The following CCDC150 variants were observed in gnomAD, a reference collection of about 807,000 sequenced individuals.
CCDC150 encodes coiled-coil domain containing 150, also known as coiled-coil domain-containing protein 150.
Under a neutral mutation model 156.5 loss-of-function variants are expected in CCDC150, and 151 were observed. The observed-to-expected ratio is 0.97, with a 90% confidence interval of 0.85 to 1.10. The LOEUF (loss-of-function observed/expected upper bound fraction) is 1.10, where lower values mean the gene tolerates loss of function less well. Among genes scored for constraint, CCDC150 ranks in the 50% least tolerant of loss-of-function variants. The pLI is 0.00. For missense variants in CCDC150, 1,312 were observed against 1,268.1 expected, an observed-to-expected ratio of 1.03 and a Z score of -0.53; for synonymous variants, 452 against 429.4, an observed-to-expected ratio of 1.05 and a Z score of -0.65.
At chr2:196,706,918 T>A (rs1301126962) in intron 15 of CCDC150, among the ~76,000 whole-genome samples, 1 of 152,226 alleles carries the variant, frequency 6.6e-6, no homozygotes, top group Admixed American at 6.5e-5. Flanking sequence ...TTTGCCAGTA[T>A]TTTATTGAGG....
At chr2:196,724,696 T>C (rs567237658) in intron 21 of CCDC150, among the ~76,000 whole-genome samples, 3 of 152,242 alleles carry the variant, frequency 2.0e-5, no homozygotes, top group Non-Finnish European at 4.4e-5. Flanking sequence ...GTCTTAATCA[T>C]TTTGATATAA....
intron 1 of CCDC150, 32 bp from the exon 2 acceptor site, chr2:196,646,309 C>G: frequency 6.2e-7 from 1 of 1,604,852 alleles, no homozygotes; most frequent in Non-Finnish European, 8.5e-7. Flanking sequence ...ATAATAGGAC[C>G]TACCACACTA....
intron 2 of CCDC150, among the ~76,000 whole-genome samples, chr2:196,655,205 A>G (rs1440529583): frequency 6.6e-6 from 1 of 152,196 alleles, no homozygotes; most frequent in Non-Finnish European, 1.5e-5. Context: ...GCAAATACCT[A>G]TACTACTGTC....
chr2:196,647,020 G>A (rs542080850), intron 2 of CCDC150, among the ~76,000 whole-genome samples: 41 of 152,152 alleles, frequency 2.7e-4, no homozygotes, highest in African/African-American at 9.9e-4. Flanking sequence ...GATTATCAAT[G>A]GCCTGCAGAA....
At position 196,662,765 on chromosome 2, in the gene CCDC150, G is replaced by GA. The variant is rs974682749; in HGVS notation, c.646-2793dup. On this transcript the variant is annotated intron_variant, in intron 5 of 27. Transcript: ENST00000389175. Reference sequence around the variant, plus strand: ...GCAACATGGCAAAACCCCATTTCTGGAAAAAAAAAGAAAAAAGAAAAAAAG... The same window carrying GA: ...GCAACATGGCAAAACCCCATTTCTGGAAAAAAAAAAGAAAAAAGAAAAAAAG... Among the ~76,000 whole-genome samples, 1,124 of 149,794 alleles carry GA rather than the reference G, an allele frequency of 7.5e-3. 17 individuals carry two copies. The highest frequency in any genetic ancestry group is 0.026 in the African/African-American group (1,050 of 40,830).
intron 13 of CCDC150, among the ~76,000 whole-genome samples, chr2:196,685,181 C>CT (rs1263927129): frequency 6.6e-6 from 1 of 151,838 alleles, no homozygotes; most frequent in African/African-American, 2.4e-5. Context: ...TTTTAACTCC[C>CT]TTATCATTTC....
intron 13 of CCDC150, among the ~76,000 whole-genome samples, chr2:196,684,605 ATCT>A (rs1695022554): frequency 1.3e-5 from 2 of 151,980 alleles, no homozygotes; most frequent in South Asian, 4.1e-4. Flanking sequence ...TTCCGCATTA[ATCT>A]TCTGTCCAGT....
chr2:196,658,766 A>C, intron 4 of CCDC150, 26 bp from the exon 5 acceptor site: 3 of 1,535,224 alleles, frequency 2.0e-6, no homozygotes, highest in Non-Finnish European at 2.7e-6. Flanking sequence ...CAGATTATTT[A>C]GAATCTTTTC....
intron 26 of CCDC150, among the ~76,000 whole-genome samples, chr2:196,731,203 T>C (rs1347491641): frequency 6.6e-6 from 1 of 152,118 alleles, no homozygotes; most frequent in African/African-American, 2.4e-5. Context: ...CTATTAAATA[T>C]AAGGAAAGAC....
In CCDC150 at chr2:196,717,065, A is replaced by T. The variant is rs527787545; in HGVS notation, c.1867-1438A>T. Among the ~76,000 whole-genome samples the T allele has an allele frequency of 1.2e-4, 18 of 150,984 alleles. No individual in the cohort carries two copies. The South Asian group carries it at 3.1e-3, about 26-fold the overall frequency. ...TTTTATTTTTATTTTATTTTTTTGT[A>T]TTTTTAGTAGAGACAGGGTTTCACC... On this transcript the variant is annotated intron_variant, in intron 17 of 27. Transcript: ENST00000389175.
At chr2:196,643,499 T>C (rs1692359999) in intron 1 of CCDC150, among the ~76,000 whole-genome samples, 1 of 152,230 alleles carries the variant, frequency 6.6e-6, no homozygotes, top group Non-Finnish European at 1.5e-5. Flanking sequence ...GGAGAGCCAA[T>C]GTAAGCATTT....
intron 15 of CCDC150, among the ~76,000 whole-genome samples, chr2:196,707,192 A>G (rs1183848046): frequency 6.6e-6 from 1 of 152,080 alleles, no homozygotes; most frequent in Non-Finnish European, 1.5e-5. Context: ...AGAGACTGCT[A>G]TTGGTCTATT....
intron 20 of CCDC150, among the ~76,000 whole-genome samples, chr2:196,720,911 T>G (rs551040308): frequency 6.6e-6 from 1 of 152,144 alleles, no homozygotes; most frequent in Non-Finnish European, 1.5e-5. Flanking sequence ...ATGGTCTACA[T>G]TTTTATTCAT....
At chr2:196,710,101 A>C (rs2375946) in intron 15 of CCDC150, among the ~76,000 whole-genome samples, 2 of 152,104 alleles carry the variant, frequency 1.3e-5, no homozygotes, top group Non-Finnish European at 2.9e-5. Context: ...TTGTTCAGCT[A>C]TGCCCTGCCC....
rs1343246048 is a variant in CCDC150, at chr2:196,712,698, A to T, written c.1825A>T (p.Lys609Ter). ...YAQANSELSA[K>*]RVHLQQADAH... The stretch of plus-strand genomic sequence containing the variant: ...AAAGGCAAACTCAGAACTCAGTGCC[A>T]AGAGGGTACACCTGCAGCAGGCAGA... Residue 609 changes from lysine (K) to a stop codon, truncating the protein, a stop_gained, in exon 17 of 28, where the codon AAG becomes TAG. Coordinates refer to ENST00000389175, the MANE Select transcript of CCDC150 (RefSeq NM_001080539.2). LOFTEE classifies it high-confidence loss of function. 1 of 1,610,916 alleles carries T rather than the reference A, an allele frequency of 6.2e-7. No homozygotes were observed.
intron 16 of CCDC150, 165 bp downstream of exon 16, chr2:196,712,417 C>A: frequency 1.8e-6 from 1 of 557,956 alleles, no homozygotes; most frequent in Non-Finnish European, 3.2e-6. Context: ...ATACAAGGTT[C>A]TGCTAAAGCC....
intron 14 of CCDC150, among the ~76,000 whole-genome samples, chr2:196,698,037 A>G (rs182741113): frequency 1.2e-4 from 18 of 152,280 alleles, no homozygotes; most frequent in African/African-American, 4.3e-4. Context: ...GTGTACTAAT[A>G]ATGTTTATAG....
intron 9 of CCDC150, 81 bp downstream of exon 9, chr2:196,672,518 G>C (rs569936464): frequency 5.8e-6 from 4 of 690,128 alleles, no homozygotes; most frequent in Non-Finnish European, 8.9e-6. Flanking sequence ...AATTAGTCTT[G>C]ATTATATAAA....
intron 10 of CCDC150, among the ~76,000 whole-genome samples, chr2:196,674,755 T>C (rs1694399577): frequency 6.6e-6 from 1 of 152,172 alleles, no homozygotes; most frequent in African/African-American, 2.4e-5. Flanking sequence ...AAGAGTCACT[T>C]TCATCAGGCA....
Sources: allele counts gnomAD v4.1 joint callset (sites outside exome capture counted in the v4.1 genomes callset), GRCh38; gene constraint gnomAD v4.1.1; transcripts MANE v1.5; gene names NCBI Gene and HGNC (gene_info 2026-07-23, HGNC 2026-07-21).